CHST15: variants seen among roughly 807,000 people sequenced by gnomAD.
CHST15 encodes B cell RAG associated protein (GALNAC4S-6ST).
Under a neutral mutation model 53.6 loss-of-function variants are expected in CHST15, and 30 were observed. That is an observed-to-expected ratio of 0.56 (90% CI 0.42 to 0.76). CHST15 has a LOEUF of 0.76. CHST15 is among the 30% of genes least tolerant of loss of function. The pLI is 0.00. For missense variants in CHST15, 627 were observed against 740.5 expected, an observed-to-expected ratio of 0.85 and a Z score of 1.78; for synonymous variants, 296 against 289.8, an observed-to-expected ratio of 1.02 and a Z score of -0.22.
chr10:124,010,456 T>C, intron 7 of CHST15, 117 bp from the exon 8 acceptor site: 1 of 1,405,616 alleles, frequency 7.1e-7, no homozygotes, highest in Non-Finnish European at 9.2e-7. Flanking sequence ...TAAGAGAACA[T>C]ATTTAGGGAT....
At position 124,021,240 on chromosome 10, in the gene CHST15, G is replaced by GA. The variant is rs757304955; in HGVS notation, c.1347+15_1347+16insT. ...CAGGGGCCAGCTCGGGGGGTACGGG[G>GA]GGGGGGGGTACACACAGGCATGGCG... On this transcript the variant is annotated intron_variant, in intron 6 of 7. Coordinates refer to ENST00000435907, the MANE Select transcript of CHST15 (RefSeq NM_001270764.2). 119 of 1,563,338 alleles carry GA rather than the reference G, an allele frequency of 7.6e-5. 1 individual carries two copies. In the South Asian group the frequency reaches 1.3e-3, roughly 17 times the overall value.
chr10:124,034,657 A>G (rs1437604649), intron 5 of CHST15, among the ~76,000 whole-genome samples: 1 of 129,226 alleles, frequency 7.7e-6, no homozygotes, highest in African/African-American at 3.3e-5. Flanking sequence ...CACCCCTAAC[A>G]GGGACCCCGG....
At chr10:124,031,281 A>G (rs1947215383) in intron 5 of CHST15, among the ~76,000 whole-genome samples, 1 of 152,230 alleles carries the variant, frequency 6.6e-6, no homozygotes, top group African/African-American at 2.4e-5. Context: ...GCTTGCATCT[A>G]GCACATCAAG....
rs560697126 is a variant in CHST15 at position 124,020,239 on chromosome 10, C to T, written c.1347+1017G>A. 8.0e-5 allele frequency: 79 copies of T among 985,504 alleles called. No individual in the cohort carries two copies. The South Asian group carries it at 2.5e-3, about 31-fold the overall frequency. 61.0% of individuals were successfully genotyped at this position (985,504 alleles called of 1,614,324 possible). ...ATTACCCCATTGTATGACAAAGCAA[C>T]TGAGTCTCAGAAAGGCTGAGACAAC... On this transcript the variant is annotated intron_variant, in intron 6 of 7. Coordinates refer to ENST00000435907, the MANE Select transcript of CHST15 (RefSeq NM_001270764.2).
chr10:124,069,367 ACC>A (rs60053494), intron 1 of CHST15, among the ~76,000 whole-genome samples: 40,663 of 141,866 alleles, frequency 0.29, 5,638 homozygotes, highest in Middle Eastern at 0.42. Flanking sequence ...TGTTTGGGGG[ACC>A]CCCCCCCCAA....
chr10:124,092,478 G>C (rs1449097087), intron 1 of CHST15: 1 of 152,066 alleles, frequency 6.6e-6, no homozygotes, highest in Non-Finnish European at 1.5e-5. Context: ...GGGCGGGGAG[G>C]AGGAAGGAGG....
intron 1 of CHST15, among the ~76,000 whole-genome samples, chr10:124,087,140 C>T (rs1326073651): frequency 6.6e-6 from 1 of 152,220 alleles, no homozygotes; most frequent in East Asian, 1.9e-4. Flanking sequence ...ATACATCTTA[C>T]ACCTCTCTCG....
chr10:124,045,771 CCTT>C lies in CHST15; in HGVS notation c.439_441del (p.Lys147del). ...ATAATTAATTTAATGCTTGGATAGT[CCTT>C]CATGTATGAAATATTATTTACAGAG... On this transcript the variant is annotated inframe_deletion, in exon 2 of 8. Coordinates refer to ENST00000435907, the MANE Select transcript of CHST15 (RefSeq NM_001270764.2). 6.2e-7 allele frequency: 1 copy of C among 1,614,134 alleles called. No homozygotes were observed. The highest frequency in any genetic ancestry group is 8.5e-7 in the Non-Finnish European group (1 of 1,180,028).
chr10:124,067,029 A>AC (rs1349212807), intron 1 of CHST15, among the ~76,000 whole-genome samples: 3 of 152,260 alleles, frequency 2.0e-5, no homozygotes, highest in Non-Finnish European at 4.4e-5. Context: ...AACTGGCTGC[A>AC]CTTAGCACTG....
At position 124,009,532 on chromosome 10, in the gene CHST15, A is replaced by G; in HGVS notation, c.*617T>C. On this transcript the variant is annotated 3_prime_UTR_variant, in exon 8 of 8. Coordinates refer to ENST00000435907, the MANE Select transcript of CHST15 (RefSeq NM_001270764.2). ...GAAGAAACTGGAGGGCTGAGTTTGGAGTAAAGGAGAAAAAAAAAATGAAGA... is the reference window on the plus strand; with the variant it reads ...GAAGAAACTGGAGGGCTGAGTTTGGGGTAAAGGAGAAAAAAAAAATGAAGA... The G allele has an allele frequency of 1.0e-6, 1 of 988,422 alleles. No homozygotes were observed. Among genetic ancestry groups the G allele is most frequent in the Non-Finnish European group, 1.2e-6 (1 of 831,718 alleles). The allele number at this position is 988,422 out of a possible 1,614,324, so 61.2% of individuals were successfully genotyped here. A position where few individuals can be genotyped will look rare whatever the true frequency, so the allele number is the denominator to read the frequency against.
In CHST15 at chr10:124,044,621, G is replaced by A. The variant is rs1159450831; in HGVS notation, c.845C>T (p.Ser282Phe). Residue 282 changes from serine to phenylalanine, a missense_variant, in exon 3 of 8, where the codon TCC becomes TTC. By Grantham distance (155) the Ser-to-Phe change is radical. Coordinates refer to ENST00000435907, the MANE Select transcript of CHST15 (RefSeq NM_001270764.2). ...CCACCAGTGTGGCTCCTTGATGGCG[G>A]AGAACTTGACCTCAGGGTGCAGCCG... Reference protein sequence around the residue: ...RLRLHPEVKFSAIKEPHWWTR... With the variant: ...RLRLHPEVKFFAIKEPHWWTR... 6.3e-7 allele frequency: 1 copy of A among 1,583,694 alleles called. No homozygotes were observed. Among genetic ancestry groups the A allele is most frequent in the Admixed American group, 1.8e-5 (1 of 55,860 alleles).
At chr10:124,059,150 T>C (rs1281818709) in intron 1 of CHST15, among the ~76,000 whole-genome samples, 1 of 152,224 alleles carries the variant, frequency 6.6e-6, no homozygotes, top group Non-Finnish European at 1.5e-5. Flanking sequence ...TAGACCCTCA[T>C]TCTCTTCATC....
intron 4 of CHST15, among the ~76,000 whole-genome samples, chr10:124,040,449 C>T (rs759840729): frequency 6.6e-6 from 1 of 152,180 alleles, no homozygotes; most frequent in Admixed American, 6.5e-5. Flanking sequence ...TCTAAAGCTC[C>T]GGCCTCAAGT....
intron 1 of CHST15, among the ~76,000 whole-genome samples, chr10:124,072,282 C>T (rs1352752347): frequency 1.3e-5 from 2 of 152,194 alleles, no homozygotes; most frequent in East Asian, 3.9e-4. Flanking sequence ...GGCTCTGCTG[C>T]TCAGGGACAG....
intron 1 of CHST15, among the ~76,000 whole-genome samples, chr10:124,064,777 G>C (rs1414918145): frequency 6.6e-6 from 1 of 151,778 alleles, no homozygotes; most frequent in African/African-American, 2.4e-5. Context: ...GGCCCTGCTA[G>C]ATGCATTCGC....
chr10:124,042,283 G>C lies in CHST15; in HGVS notation c.1033+18C>G. 2 of 1,600,662 alleles carry C rather than the reference G, an allele frequency of 1.2e-6. No homozygotes were observed. The highest frequency in any genetic ancestry group is 1.7e-6 in the Non-Finnish European group (2 of 1,168,842). On this transcript the variant is annotated intron_variant, in intron 4 of 7. Coordinates refer to ENST00000435907, the MANE Select transcript of CHST15 (RefSeq NM_001270764.2). ...CAGGGAGGGTGCTAGCCCTGCCAGA[G>C]TGACACAGACGCCTTACCGATAATG...
At chr10:124,023,009 G>A (rs1028000600) in intron 5 of CHST15, among the ~76,000 whole-genome samples, 3 of 151,646 alleles carry the variant, frequency 2.0e-5, no homozygotes, top group South Asian at 4.2e-4. Flanking sequence ...TCGTAGAGAT[G>A]GGGTTTCACC....
intron 1 of CHST15, among the ~76,000 whole-genome samples, chr10:124,078,834 G>A (rs1355741331): frequency 6.6e-6 from 1 of 152,198 alleles, no homozygotes; most frequent in African/African-American, 2.4e-5. Flanking sequence ...TCAGTTTCCT[G>A]GCTTTGATCA....
chr10:124,016,904 T>C (rs1946604367), intron 6 of CHST15, among the ~76,000 whole-genome samples: 1 of 152,160 alleles, frequency 6.6e-6, no homozygotes, highest in Non-Finnish European at 1.5e-5. Flanking sequence ...AGGATCACGA[T>C]GGTGCCCATG....
Sources: gnomAD v4.1 joint callset for allele counts (sites outside exome capture counted in the v4.1 genomes callset) on GRCh38, gnomAD v4.1.1 for gene constraint, MANE v1.5 for transcripts, NCBI Gene and HGNC (gene_info 2026-07-23, HGNC 2026-07-21) for gene names.